SCOC: variants seen among roughly 807,000 people sequenced by gnomAD.
The protein encoded by SCOC is short coiled-coil protein, also known as short coiled coil protein.
Under a neutral mutation model 9.9 loss-of-function variants are expected in SCOC, and 7 were observed. The observed-to-expected ratio is 0.71, with a 90% CI of 0.40 to 1.33. SCOC has a LOEUF of 1.33. Among genes scored for constraint, SCOC ranks in the 40% most tolerant of loss-of-function variants. The probability of loss-of-function intolerance (pLI) is 0.01; values close to 1 mark genes in which losing one functional copy is unlikely to be tolerated. For missense variants in SCOC, 66 were observed against 89.7 expected, an observed-to-expected ratio of 0.74 and a Z score of 1.07; for synonymous variants, 19 against 28.2, an observed-to-expected ratio of 0.67 and a Z score of 1.03.
At chr4:140,337,967 A>T (rs1163078091) in intron 1 of SCOC, among the ~76,000 whole-genome samples, 1 of 152,230 alleles carries the variant, frequency 6.6e-6, no homozygotes, top group Non-Finnish European at 1.5e-5. Flanking sequence ...CATCATCCTC[A>T]TACCAAAGCC....
At chr4:140,362,430 A>G (rs4956364) in intron 2 of SCOC, among the ~76,000 whole-genome samples, 139,555 of 145,904 alleles carry the variant, frequency 0.96, 66,816 homozygotes, top group East Asian at 1. Flanking sequence ...CAAGTAGCTG[A>G]GACTACAGGC....
chr4:140,330,438 T>C (rs1732785685), intron 1 of SCOC, among the ~76,000 whole-genome samples: 1 of 152,022 alleles, frequency 6.6e-6, no homozygotes, highest in Admixed American at 6.6e-5. Flanking sequence ...AATTAAAAAT[T>C]AAAAAACAAA....
chr4:140,315,105 G>T (rs1247652612), intron 1 of SCOC, among the ~76,000 whole-genome samples: 1 of 152,144 alleles, frequency 6.6e-6, no homozygotes, highest in African/African-American at 2.4e-5. Flanking sequence ...ATCCTAACAA[G>T]TTCCCTGTAA....
intron 1 of SCOC, among the ~76,000 whole-genome samples, chr4:140,329,538 C>T (rs1010673146): frequency 2.8e-4 from 43 of 151,924 alleles, no homozygotes; most frequent in African/African-American, 8.0e-4. Context: ...AGAAAATATT[C>T]GCAAAAATAC....
chr4:140,338,852 A>G (rs917858486), upstream of SCOC, among the ~76,000 whole-genome samples: 1,012 of 152,336 alleles, frequency 6.6e-3, 6 homozygotes, highest in Non-Finnish European at 8.2e-3. Context: ...AAGAATCAAT[A>G]TTGTGAAAAT....
chr4:140,353,655 C>T (rs181021934), intron 2 of SCOC, among the ~76,000 whole-genome samples: 206 of 152,288 alleles, frequency 1.4e-3, no homozygotes, highest in Non-Finnish European at 2.4e-3. Flanking sequence ...GCCTTGGCCT[C>T]CCAAAGTGCT....
At chr4:140,317,629 CTTTT>C (rs202182514) in intron 1 of SCOC, among the ~76,000 whole-genome samples, 1 of 130,872 alleles carries the variant, frequency 7.6e-6, no homozygotes, top group Admixed American at 7.4e-5. Context: ...GCCCTTCCTT[CTTTT>C]TTTTTTTTTT....
upstream of SCOC, chr4:140,373,268 T>C: frequency 1.5e-6 from 2 of 1,304,552 alleles, no homozygotes; most frequent in Non-Finnish European, 1.9e-6. Flanking sequence ...CCAACCTCTT[T>C]CCTGAATGAC....
At chr4:140,305,080 G>A (rs976863592) in intron 1 of SCOC, among the ~76,000 whole-genome samples, 1 of 152,140 alleles carries the variant, frequency 6.6e-6, no homozygotes, top group African/African-American at 2.4e-5. Flanking sequence ...TCCCCTTCAG[G>A]AGGTTTGTAC....
chr4:140,282,548 C>G (rs1731125287), intron 1 of SCOC, among the ~76,000 whole-genome samples: 1 of 152,078 alleles, frequency 6.6e-6, no homozygotes, highest in African/African-American at 2.4e-5. Context: ...TGCTATATTC[C>G]TATTGTTTTA....
intron 1 of SCOC, among the ~76,000 whole-genome samples, chr4:140,301,667 C>T (rs969393443): frequency 4.6e-5 from 7 of 152,062 alleles, no homozygotes; most frequent in Admixed American, 1.3e-4. Context: ...GAAAATCAGA[C>T]GAGAGTCTGG....
At chr4:140,264,088 C>A (rs959472504) in intron 1 of SCOC, among the ~76,000 whole-genome samples, 1 of 151,936 alleles carries the variant, frequency 6.6e-6, no homozygotes, top group Non-Finnish European at 1.5e-5. Context: ...CAGCCTTGAA[C>A]TCCTGGGCTC....
At chr4:140,354,254 T>G (rs1012158317) in intron 2 of SCOC, among the ~76,000 whole-genome samples, 1 of 152,220 alleles carries the variant, frequency 6.6e-6, no homozygotes, top group Non-Finnish European at 1.5e-5. Flanking sequence ...TTAAATGACT[T>G]GAGCTTTGTG....
At chr4:140,314,796 C>T (rs1344639499) in intron 1 of SCOC, among the ~76,000 whole-genome samples, 1 of 152,088 alleles carries the variant, frequency 6.6e-6, no homozygotes, top group East Asian at 1.9e-4. Context: ...CCTCAGAAGG[C>T]AATGAGATGT....
rs576172885 is a variant in SCOC, at chr4:140,382,168, T to C, written c.*1064T>C. ...TGGGAAAGTTATACATGTATACTTA[T>C]TATCTTGCTCAGTATTTTATCTCAC... On this transcript the variant is annotated 3_prime_UTR_variant, in exon 4 of 4. Transcript: ENST00000608372. 2 of 152,220 alleles carry C rather than the reference T, an allele frequency of 1.3e-5. No individual in the cohort carries two copies. Among genetic ancestry groups the C allele is most frequent in the South Asian group, 2.1e-4 (1 of 4,828 alleles). 9.4% of individuals were successfully genotyped at this position (152,220 alleles called of 1,614,324 possible).
intron 1 of SCOC, among the ~76,000 whole-genome samples, chr4:140,334,992 A>G (rs964004509): frequency 3.3e-5 from 5 of 152,228 alleles, no homozygotes; most frequent in African/African-American, 1.2e-4. Context: ...AACAACACGG[A>G]TGAATCTTGA....
chr4:140,359,831 A>G (rs1034512772), intron 2 of SCOC, among the ~76,000 whole-genome samples: 4 of 152,104 alleles, frequency 2.6e-5, no homozygotes, highest in African/African-American at 9.7e-5. Context: ...AAGGCTCCTC[A>G]CACACCCAGG....
chr4:140,327,736 T>A (rs1325891437), intron 1 of SCOC, among the ~76,000 whole-genome samples: 1 of 152,256 alleles, frequency 6.6e-6, no homozygotes, highest in Admixed American at 6.5e-5. Context: ...TCTGGAGTAA[T>A]CCAACACTTT....
At chr4:140,315,779 C>G (rs1277627329) in intron 1 of SCOC, among the ~76,000 whole-genome samples, 2 of 152,144 alleles carry the variant, frequency 1.3e-5, no homozygotes, top group Non-Finnish European at 1.5e-5. Context: ...CTACTTTTAC[C>G]TGGTTCTTGC....
Sources: gnomAD v4.1 joint callset for allele counts (sites outside exome capture counted in the v4.1 genomes callset) on GRCh38, gnomAD v4.1.1 for gene constraint, MANE v1.5 for transcripts, NCBI Gene and HGNC (gene_info 2026-07-23, HGNC 2026-07-21) for gene names.